Variants in KCNN3 observed in about 807,000 individuals in gnomAD.
The protein encoded by KCNN3 is potassium calcium-activated channel subfamily N member 3.
KCNN3 carries 16 observed loss-of-function variants against 62.9 expected under a neutral mutation model. That is an observed-to-expected ratio of 0.25 (90% CI 0.17 to 0.39). The LOEUF (loss-of-function observed/expected upper bound fraction) is 0.39. Ranked by LOEUF, KCNN3 falls within the 10% of genes least tolerant of loss-of-function variation. The probability of loss-of-function intolerance (pLI) is 1.00; values close to 1 mark genes in which losing one functional copy is unlikely to be tolerated. For missense variants in KCNN3, 599 were observed against 949.4 expected (o/e 0.63, Z 4.85); for synonymous variants, 370 against 389.2 (o/e 0.95, Z 0.58).
At chr1:154,727,054 G>A (rs1218435278) in intron 4 of KCNN3, among the ~76,000 whole-genome samples, 1 of 152,198 alleles carries the variant, frequency 6.6e-6, no homozygotes, top group African/African-American at 2.4e-5. Flanking sequence ...AGCATAGGGG[G>A]AATTCAGAGA....
At chr1:154,728,597 G>C (rs1018617868) in intron 4 of KCNN3, among the ~76,000 whole-genome samples, 1 of 151,878 alleles carries the variant, frequency 6.6e-6, no homozygotes, top group African/African-American at 2.4e-5. Context: ...AATGAAGAAG[G>C]GAGAGAAGAC....
intron 3 of KCNN3, among the ~76,000 whole-genome samples, chr1:154,753,147 CT>C (rs1296351540): frequency 6.6e-6 from 1 of 152,194 alleles, no homozygotes; most frequent in African/African-American, 2.4e-5. Flanking sequence ...AATTCTAAAG[CT>C]ACTACTCAGT....
intron 2 of KCNN3, among the ~76,000 whole-genome samples, chr1:154,792,063 T>C (rs761868874): frequency 6.6e-6 from 1 of 152,162 alleles, no homozygotes; most frequent in Admixed American, 6.5e-5. Context: ...GGCAAAGCCA[T>C]AGAAAGTTCA....
intron 5 of KCNN3, among the ~76,000 whole-genome samples, chr1:154,725,389 T>C (rs941512676): frequency 6.6e-6 from 1 of 152,098 alleles, no homozygotes; most frequent in Non-Finnish European, 1.5e-5. Context: ...GGAAAATTAT[T>C]TGGCTGCCTG....
chr1:154,719,971 T>C (rs1700314035), intron 5 of KCNN3, among the ~76,000 whole-genome samples: 1 of 152,166 alleles, frequency 6.6e-6, no homozygotes, highest in African/African-American at 2.4e-5. Context: ...TTGTTCAGAG[T>C]TGGAGCTTGA....
chr1:154,794,563 T>C (rs1176948283), intron 2 of KCNN3, among the ~76,000 whole-genome samples: 1 of 152,188 alleles, frequency 6.6e-6, no homozygotes, highest in Admixed American at 6.5e-5. Context: ...ATTGTTATGC[T>C]CTTTATTATC....
chr1:154,752,647 C>T (rs1647432816), intron 3 of KCNN3, among the ~76,000 whole-genome samples: 3 of 142,064 alleles, frequency 2.1e-5, no homozygotes, highest in East Asian at 2.1e-4. Context: ...TGGCCATGAA[C>T]GAAGATAGTG....
intron 3 of KCNN3, among the ~76,000 whole-genome samples, chr1:154,771,579 A>T (rs892102325): frequency 6.6e-6 from 1 of 152,210 alleles, no homozygotes; most frequent in Non-Finnish European, 1.5e-5. Context: ...AGAAAGGCTG[A>T]ACCAAACAAA....
intron 2 of KCNN3, among the ~76,000 whole-genome samples, chr1:154,781,161 C>G (rs1159369744): frequency 6.6e-6 from 1 of 152,216 alleles, no homozygotes; most frequent in Non-Finnish European, 1.5e-5. Flanking sequence ...TTGTTTGGGA[C>G]TAACAGAGAC....
At position 154,724,439 on chromosome 1, in the gene KCNN3, A is replaced by G. The variant is rs556621454; in HGVS notation, c.1701+1477T>C. Among the ~76,000 whole-genome samples the G allele has an allele frequency of 7.2e-5, 11 of 152,374 alleles. 1 individual carries two copies. The highest frequency in any genetic ancestry group is 2.6e-4 in the African/African-American group (11 of 41,592). On this transcript the variant is annotated intron_variant, in intron 5 of 7. Transcript: ENST00000271915. ...ACTTCAGTCCTAAATGAAAAAGACT[A>G]TGGAGGCCGAGACACGGGCACAGGG...
At chr1:154,711,885 G>GGAGAGAAA (rs548356788) in intron 7 of KCNN3, among the ~76,000 whole-genome samples, 1 of 152,024 alleles carries the variant, frequency 6.6e-6, no homozygotes, top group East Asian at 1.9e-4. Context: ...AGGCAGAGAG[G>GGAGAGAAA]GAGAGAAAGA....
chr1:154,863,375 C>T (rs527673339), intron 1 of KCNN3, among the ~76,000 whole-genome samples: 2 of 152,322 alleles, frequency 1.3e-5, no homozygotes, highest in Non-Finnish European at 2.9e-5. Flanking sequence ...GGAATAGGTG[C>T]CTTGCTTTCT....
intron 3 of KCNN3, among the ~76,000 whole-genome samples, chr1:154,734,483 C>T (rs1185785421): frequency 6.6e-6 from 1 of 152,218 alleles, no homozygotes; most frequent in Non-Finnish European, 1.5e-5. Context: ...TACAAGGAAG[C>T]CCCCTGGAAG....
At chr1:154,867,822 C>CA (rs953488821) in intron 1 of KCNN3, 7 of 315,404 alleles carry the variant, frequency 2.2e-5, no homozygotes, top group Non-Finnish European at 3.2e-5. Context: ...CACATACACA[C>CA]ACACACACCA....
At chr1:154,793,121 G>A (rs1036551485) in intron 2 of KCNN3, among the ~76,000 whole-genome samples, 1 of 152,190 alleles carries the variant, frequency 6.6e-6, no homozygotes, top group South Asian at 2.1e-4. Context: ...AGGTCAATCA[G>A]AAAGAACGGG....
Position 154,706,569 on chromosome 1 carries a change from G to A in KCNN3, c.*1407C>T, listed in dbSNP as rs996758162. The A allele has an allele frequency of 2.6e-5, 4 of 152,132 alleles. No individual in the cohort carries two copies. Among genetic ancestry groups the A allele is most frequent in the Non-Finnish European group, 5.9e-5 (4 of 68,030 alleles). 9.4% of individuals were successfully genotyped at this position (152,132 alleles called of 1,614,324 possible). A position where few individuals can be genotyped will look rare whatever the true frequency, so the allele number is the denominator to read the frequency against. On this transcript the variant is annotated 3_prime_UTR_variant, in exon 8 of 8. Coordinates refer to ENST00000271915, the MANE Select transcript of KCNN3 (RefSeq NM_002249.6). ...AGTCTCTTGGAGTTTGAGATGTATT[G>A]GAATAGTTTTTCGCACCAAGATTAA...
chr1:154,861,247 G>A (rs1652759451), intron 1 of KCNN3, among the ~76,000 whole-genome samples: 3 of 152,020 alleles, frequency 2.0e-5, no homozygotes, highest in African/African-American at 4.8e-5. Context: ...GAGCCACCGC[G>A]CCTGGCCCCA....
At chr1:154,797,785 G>C (rs893325037) in intron 2 of KCNN3, among the ~76,000 whole-genome samples, 1 of 152,224 alleles carries the variant, frequency 6.6e-6, no homozygotes, top group Admixed American at 6.5e-5. Context: ...TGTGACCCCA[G>C]AGACCTAGAA....
intron 3 of KCNN3, among the ~76,000 whole-genome samples, chr1:154,742,130 C>G (rs1391945283): frequency 6.6e-6 from 1 of 152,234 alleles, no homozygotes; most frequent in Non-Finnish European, 1.5e-5. Flanking sequence ...TTGCTGTGCT[C>G]CAAGCTTGCC....
Sources: allele counts gnomAD v4.1 joint callset (sites outside exome capture counted in the v4.1 genomes callset), GRCh38; gene constraint gnomAD v4.1.1; transcripts MANE v1.5; gene names NCBI Gene and HGNC (gene_info 2026-07-23, HGNC 2026-07-21).